CCDC138: variants seen among roughly 807,000 people sequenced by gnomAD.
CCDC138 encodes coiled-coil domain-containing protein 138.
In CCDC138, 66 loss-of-function variants were observed where a neutral mutation model predicts 82.3. That is an observed-to-expected ratio of 0.80 (90% confidence interval 0.66 to 0.98). The LOEUF (loss-of-function observed/expected upper bound fraction) is 0.98, where lower values mean the gene tolerates loss of function less well. CCDC138 is among the 50% of genes least tolerant of loss of function. CCDC138 has a pLI of 0.00. For missense variants in CCDC138, 816 were observed against 758.9 expected (o/e 1.08, Z -0.88); for synonymous variants, 297 against 265.4 (o/e 1.12, Z -1.16).
intron 10 of CCDC138, among the ~76,000 whole-genome samples, chr2:108,831,802 G>A (rs1469859929): frequency 2.7e-5 from 4 of 150,762 alleles, no homozygotes; most frequent in South Asian, 2.1e-4. Context: ...GCATGATCTC[G>A]GCCCACTGCA....
chr2:108,871,761 G>A (rs978510695), intron 13 of CCDC138, among the ~76,000 whole-genome samples: 7 of 152,026 alleles, frequency 4.6e-5, no homozygotes, highest in African/African-American at 1.7e-4. Flanking sequence ...CTAATGTATT[G>A]CACTTTTCAT....
downstream of CCDC138, among the ~76,000 whole-genome samples, chr2:108,880,040 G>A (rs1025007696): frequency 6.6e-6 from 1 of 152,016 alleles, no homozygotes; most frequent in African/African-American, 2.4e-5. Context: ...ACAGTTCCTT[G>A]GAGGCCAGAC....
intron 10 of CCDC138, among the ~76,000 whole-genome samples, chr2:108,838,108 T>G (rs904969306): frequency 6.6e-6 from 1 of 152,114 alleles, no homozygotes; most frequent in African/African-American, 2.4e-5. Flanking sequence ...TGGTCCCTAG[T>G]GACTCTGGTA....
chr2:108,880,503 G>C (rs80266095), downstream of CCDC138, among the ~76,000 whole-genome samples: 3,036 of 152,256 alleles, frequency 0.02, 99 homozygotes, highest in African/African-American at 0.07. Context: ...CCAGGGAGGA[G>C]ACATCAAGGC....
chr2:108,873,412 T>C, intron 13 of CCDC138, 39 bp from the exon 14 acceptor site: 1 of 1,438,092 alleles, frequency 7.0e-7, no homozygotes, highest in Non-Finnish European at 9.2e-7. Flanking sequence ...CCTTTTTCGC[T>C]ACTCCCTAAT....
intron 14 of CCDC138, among the ~76,000 whole-genome samples, chr2:108,874,228 T>G (rs1167194283): frequency 6.6e-6 from 1 of 152,110 alleles, no homozygotes; most frequent in Non-Finnish European, 1.5e-5. Flanking sequence ...GGAATGAGAA[T>G]GAAGCAAGCA....
chr2:108,791,272 G>A (rs544447338), intron 3 of CCDC138, among the ~76,000 whole-genome samples: 2 of 152,020 alleles, frequency 1.3e-5, no homozygotes, highest in Non-Finnish European at 2.9e-5. Context: ...TGGAATTCTA[G>A]TTCTGCTCCA....
intron 10 of CCDC138, 84 bp downstream of exon 10, chr2:108,816,189 G>C (rs1312582769): frequency 6.0e-6 from 6 of 998,452 alleles, no homozygotes; most frequent in Non-Finnish European, 7.5e-6. Flanking sequence ...AGTGGCTCAC[G>C]TCTATAATCC....
chr2:108,815,997 G>A lies in CCDC138; in HGVS notation c.1098G>A (p.Ser366=), dbSNP rs751090985. The change falls in exon 10 of 15, where the codon TCG becomes TCA. Residue 366 remains serine (S), a synonymous_variant. Coordinates refer to ENST00000295124, the MANE Select transcript of CCDC138 (RefSeq NM_144978.3). ...TAACTGTCTTCATGGACTGGATTTCGGATCATCATCTTAGCAAAGTGAAAC... is the reference window on the plus strand; with the variant it reads ...TAACTGTCTTCATGGACTGGATTTCAGATCATCATCTTAGCAAAGTGAAAC... ...ELLTVFMDWI[S]DHHLSKVKHE... 2.2e-5 allele frequency: 36 copies of A among 1,613,274 alleles called. No homozygotes were observed. The highest frequency in any genetic ancestry group is 3.3e-5 in the South Asian group (3 of 91,006).
intron 3 of CCDC138, among the ~76,000 whole-genome samples, chr2:108,789,313 C>T (rs1260393536): frequency 6.6e-6 from 1 of 152,148 alleles, no homozygotes; most frequent in Non-Finnish European, 1.5e-5. Context: ...GAACTATGGG[C>T]CAGGTGCGGT....
chr2:108,847,025 C>A, intron 12 of CCDC138, 95 bp downstream of exon 12: 1 of 738,204 alleles, frequency 1.4e-6, no homozygotes, highest in South Asian at 1.9e-5. Flanking sequence ...TGTACATTTT[C>A]AGAATGAGGT....
Position 108,798,587 on chromosome 2 carries a change from G to A in CCDC138, c.735+1G>A. On this transcript the variant is annotated splice_donor_variant, in intron 6 of 14. Coordinates refer to ENST00000295124, the MANE Select transcript of CCDC138 (RefSeq NM_144978.3). LOFTEE classifies it high-confidence loss of function. ...TACAAGATTTCAAATTATAAAAGAG[G>A]TAACTATATAGCCTTTGATTTTAGA... is the stretch of plus-strand genomic sequence containing the variant. 1 of 1,596,560 alleles carries A rather than the reference G, an allele frequency of 6.3e-7. No individual in the cohort carries two copies. The highest frequency in any genetic ancestry group is 8.6e-7 in the Non-Finnish European group (1 of 1,168,194).
Position 108,793,842 on chromosome 2 carries a change from T to A in CCDC138, c.395-698T>A, listed in dbSNP as rs541595356. Among the ~76,000 whole-genome samples the A allele has an allele frequency of 3.9e-5, 6 of 151,974 alleles. No individual in the cohort carries two copies. In the East Asian group the frequency reaches 1.2e-3, roughly 30 times the overall value. The stretch of plus-strand genomic sequence containing the variant: ...TGGTCTCAATCTCCTGACCTCATGA[T>A]CCGCCCGCCTCGGCCTCCCAAAGTG... On this transcript the variant is annotated intron_variant, in intron 4 of 14. Transcript: ENST00000295124.
At chr2:108,807,530 A>T (rs1011577671) in intron 7 of CCDC138, among the ~76,000 whole-genome samples, 2 of 152,150 alleles carry the variant, frequency 1.3e-5, no homozygotes, top group African/African-American at 2.4e-5. Flanking sequence ...CTCTTTATCT[A>T]TGTGAAAATA....
chr2:108,878,766 T>C (rs1696191427), downstream of CCDC138, among the ~76,000 whole-genome samples: 1 of 152,088 alleles, frequency 6.6e-6, no homozygotes, highest in African/African-American at 2.4e-5. Flanking sequence ...GGCCTTGAGA[T>C]TGAGGTAGAG....
intron 4 of CCDC138, among the ~76,000 whole-genome samples, chr2:108,792,543 A>G (rs1282054357): frequency 6.6e-6 from 1 of 152,230 alleles, no homozygotes; most frequent in African/African-American, 2.4e-5. Context: ...TGCTCGGGCC[A>G]GGGATTGGTG....
chr2:108,858,441 G>A (rs1050525809), intron 13 of CCDC138, among the ~76,000 whole-genome samples: 3 of 152,152 alleles, frequency 2.0e-5, no homozygotes, highest in Non-Finnish European at 4.4e-5. Context: ...TACTAAAGCC[G>A]TATTGTGTTT....
Position 108,876,156 on chromosome 2 carries a change from A to T in CCDC138, c.1901A>T (p.Asn634Ile). The T allele has an allele frequency of 6.2e-7, 1 of 1,612,258 alleles. No individual in the cohort carries two copies. Among genetic ancestry groups the T allele is most frequent in the East Asian group, 2.2e-5 (1 of 44,798 alleles). Residue 634 changes from asparagine (N) to isoleucine (I), a missense_variant, in exon 15 of 15, where the codon AAC becomes ATC. By Grantham distance (149) the Asn-to-Ile change is moderately radical. Coordinates refer to ENST00000295124, the MANE Select transcript of CCDC138 (RefSeq NM_144978.3). ...CTTCAAGAAATACAAAGGACAACAA[A>T]CCCAGAGCATGCATTTCTCTGTATT... ...LMLQEIQRTT[N>I]PEHAFLCINL...
At chr2:108,811,100 C>CTT (rs55966487) in intron 7 of CCDC138, among the ~76,000 whole-genome samples, 3 of 149,546 alleles carry the variant, frequency 2.0e-5, no homozygotes, top group African/African-American at 4.9e-5. Flanking sequence ...TTTTTCTTTT[C>CTT]TTTTTTTTTT....
Sources: allele counts gnomAD v4.1 joint callset (sites outside exome capture counted in the v4.1 genomes callset), GRCh38; gene constraint gnomAD v4.1.1; transcripts MANE v1.5; gene names NCBI Gene and HGNC (gene_info 2026-07-23, HGNC 2026-07-21).